The following TGFB1 variants were observed in gnomAD, a reference collection of about 807,000 sequenced individuals.
TGFB1 encodes transforming growth factor beta 1.
In TGFB1, 19 loss-of-function variants were observed where a neutral mutation model predicts 43.8. The observed-to-expected ratio is 0.43, with a 90% CI of 0.30 to 0.64. TGFB1 has a LOEUF of 0.64. TGFB1 is among the 30% of genes least tolerant of loss of function. TGFB1 has a pLI of 0.11. For missense variants in TGFB1, 445 were observed against 529.8 expected, an observed-to-expected ratio of 0.84 and a Z score of 1.57; for synonymous variants, 221 against 236.3, an observed-to-expected ratio of 0.94 and a Z score of 0.60.
intron 2 of TGFB1, among the ~76,000 whole-genome samples, chr19:41,347,899 C>G (rs564876218): frequency 6.6e-6 from 1 of 150,654 alleles, no homozygotes; most frequent in Admixed American, 6.6e-5. Flanking sequence ...TTTGGGAGAC[C>G]GAGGCAGGTG....
In TGFB1 at chr19:41,335,312, C is replaced by G. The variant is rs571304276; in HGVS notation, c.861-3031G>C. 2.0e-5 allele frequency among the ~76,000 whole-genome samples: 3 copies of G among 152,238 alleles called. No homozygotes were observed. In the East Asian group the frequency reaches 5.8e-4, roughly 29 times the overall value. The stretch of plus-strand genomic sequence containing the variant: ...CAGGTGACCCACCCACCTCGGCCTC[C>G]CAAAGTGCTGGGATTACAGGCATGA... On this transcript the variant is annotated intron_variant, in intron 5 of 6. Coordinates refer to ENST00000221930, the MANE Select transcript of TGFB1 (RefSeq NM_000660.7).
intron 5 of TGFB1, among the ~76,000 whole-genome samples, chr19:41,339,059 A>G (rs1293183105): frequency 6.7e-6 from 1 of 150,208 alleles, no homozygotes; most frequent in African/African-American, 2.5e-5. Context: ...TTTGCTGACC[A>G]TTTCCTCTGT....
chr19:41,352,072 A>G (rs1157566658), intron 1 of TGFB1, among the ~76,000 whole-genome samples: 3 of 150,016 alleles, frequency 2.0e-5, no homozygotes, highest in African/African-American at 7.4e-5. Context: ...TTCTCCCCAC[A>G]TTTATCACAC....
intron 6 of TGFB1, 92 bp downstream of exon 6, chr19:41,332,036 T>A: frequency 3.8e-6 from 5 of 1,316,012 alleles, no homozygotes; most frequent in Non-Finnish European, 4.2e-6. Context: ...TCCTGCCAAC[T>A]CACCTCTCTG....
chr19:41,352,990 G>A lies in TGFB1; in HGVS notation c.55C>T (p.Leu19=), dbSNP rs72480425. Residue 19 remains leucine, a synonymous_variant, in exon 1 of 7, where the codon CTG becomes TTG. Transcript: ENST00000221930. ...LPLLLPLLWL[L]VLTPGRPAAG... ...GCCGGCCGGCCAGGCGTCAGCACCA[G>A]TAGCCACAGCAGCGGTAGCAGCAGC... The A allele has an allele frequency of 2.7e-4, 414 of 1,539,434 alleles. 4 individuals are homozygous for A. The South Asian group carries it at 3.4e-3, about 13-fold the overall frequency.
intron 5 of TGFB1, among the ~76,000 whole-genome samples, chr19:41,337,376 G>A (rs2037999183): frequency 6.6e-6 from 1 of 151,928 alleles, no homozygotes; most frequent in African/African-American, 2.4e-5. Flanking sequence ...CCTGACCTCA[G>A]GTGGTCCACC....
rs1447443097 is a variant in TGFB1 at position 41,331,088 on chromosome 19, C to T, written c.1137G>A (p.Leu379=). The T allele has an allele frequency of 7.6e-6, 12 of 1,586,268 alleles. No homozygotes were observed. The highest frequency in any genetic ancestry group is 1.0e-5 in the Non-Finnish European group (12 of 1,168,366). Residue 379 remains leucine (L), a synonymous_variant, in exon 7 of 7, where the codon CTG becomes CTA. Coordinates refer to ENST00000221930, the MANE Select transcript of TGFB1 (RefSeq NM_000660.7). ...YVGRKPKVEQ[L]SNMIVRSCKC... ...TGCAGGAGCGCACGATCATGTTGGA[C>T]AGCTGCTCCACCTTGGGCTTGCGGC...
intron 5 of TGFB1, among the ~76,000 whole-genome samples, chr19:41,341,379 A>C (rs993376047): frequency 2.2e-4 from 32 of 144,186 alleles, no homozygotes; most frequent in African/African-American, 8.2e-4. Context: ...AGACAGGAGA[A>C]TCGTGTGAAC....
chr19:41,346,676 A>T (rs2038119580), intron 2 of TGFB1, among the ~76,000 whole-genome samples: 1 of 152,196 alleles, frequency 6.6e-6, no homozygotes, highest in African/African-American at 2.4e-5. Flanking sequence ...TGCTAACCAC[A>T]TGTGACTATA....
chr19:41,343,922 T>C, intron 3 of TGFB1, among the ~76,000 whole-genome samples: 1 of 53,906 alleles, frequency 1.9e-5, no homozygotes, highest in Non-Finnish European at 4.4e-5. Context: ...TCAAATGAGT[T>C]AGTTAGGCTC....
intron 5 of TGFB1, among the ~76,000 whole-genome samples, chr19:41,332,603 T>A (rs1259261164): frequency 6.6e-6 from 1 of 152,158 alleles, no homozygotes; most frequent in Non-Finnish European, 1.5e-5. Flanking sequence ...ACATACAAAA[T>A]AACACAGCTC....
intron 5 of TGFB1, among the ~76,000 whole-genome samples, chr19:41,336,786 TC>T (rs2037992984): frequency 6.6e-6 from 1 of 152,110 alleles, no homozygotes; most frequent in Admixed American, 6.6e-5. Flanking sequence ...TAAAACACAG[TC>T]ACAATACCAT....
At chr19:41,344,536 C>T (rs2038093976) in intron 3 of TGFB1, among the ~76,000 whole-genome samples, 1 of 152,194 alleles carries the variant, frequency 6.6e-6, no homozygotes, top group East Asian at 1.9e-4. Flanking sequence ...TTGCTGTGTC[C>T]TTGGCATCAC....
At chr19:41,344,671 G>A in intron 3 of TGFB1, 76 bp downstream of exon 3, 1 of 1,409,806 alleles carries the variant, frequency 7.1e-7, no homozygotes, top group Non-Finnish European at 1.0e-6. Context: ...AGGGGTCCTA[G>A]GCAAAGTGAC....
rs2037926166 is a variant in TGFB1, at chr19:41,331,180, C to T, written c.1045G>A (p.Gly349Ser). Reference protein sequence around the residue: ...VLALYNQHNPGASAAPCCVPQ... With the variant: ...VLALYNQHNPSASAAPCCVPQ... ...ACGCAGCACGGCGCCGCCGAGGCGCCCGGGTTATGCTGGTTGTACAGGGCC... is the reference window on the plus strand; with the variant it reads ...ACGCAGCACGGCGCCGCCGAGGCGCTCGGGTTATGCTGGTTGTACAGGGCC... The change falls in exon 7 of 7, where the codon GGC becomes AGC. Residue 349 changes from glycine (G) to serine (S), a missense_variant. Transcript: ENST00000221930. The T allele has an allele frequency of 1.3e-6, 2 of 1,545,986 alleles. No homozygotes were observed. Among genetic ancestry groups the T allele is most frequent in the Admixed American group, 3.9e-5 (2 of 51,050 alleles).
intron 5 of TGFB1, among the ~76,000 whole-genome samples, chr19:41,335,177 CA>C (rs1400901438): frequency 6.6e-6 from 1 of 151,850 alleles, no homozygotes; most frequent in Non-Finnish European, 1.5e-5. Flanking sequence ...CTCAGCCTCT[CA>C]AGTACCTGGG....
At chr19:41,331,917 A>G (rs1344655640) in intron 6 of TGFB1, 1 of 612,434 alleles carries the variant, frequency 1.6e-6, no homozygotes, top group Non-Finnish European at 2.8e-6. Context: ...GTGGGTCTTC[A>G]TAGCTCATCT....
chr19:41,348,294 C>T lies in TGFB1; in HGVS notation c.516+1G>A, dbSNP rs767354126. On this transcript the variant is annotated splice_donor_variant, in intron 2 of 6. Coordinates refer to ENST00000221930, the MANE Select transcript of TGFB1 (RefSeq NM_000660.7). LOFTEE classifies it high-confidence loss of function. Reference sequence around the variant, plus strand: ...ACCTTCCTTCTGGCTCATGTCCTCACCTGGTACAGCTCCACGTGCTGCTCC... The same window carrying T: ...ACCTTCCTTCTGGCTCATGTCCTCATCTGGTACAGCTCCACGTGCTGCTCC... 3 of 1,612,496 alleles carry T rather than the reference C, an allele frequency of 1.9e-6. No homozygotes were observed. Among genetic ancestry groups the T allele is most frequent in the Admixed American group, 1.7e-5 (1 of 59,972 alleles).
In TGFB1 at chr19:41,341,963, G is replaced by A. The variant is rs755630382; in HGVS notation, c.780C>T (p.Leu260=). 4.3e-6 allele frequency: 7 copies of A among 1,614,230 alleles called. No homozygotes were observed. The highest frequency in any genetic ancestry group is 1.6e-4 in the Middle Eastern group (1 of 6,062). The change falls in exon 5 of 7, where the codon CTC becomes CTT. Residue 260 remains leucine (L), a synonymous_variant. Transcript: ENST00000221930. ...GGGCCCTCTCCAGCGGGGTGGCCAT[G>A]AGAAGCAGGAAAGGCCGGTTCATGC... ...IHGMNRPFLL[L]MATPLERAQH...
Sources: gnomAD v4.1 joint callset for allele counts (sites outside exome capture counted in the v4.1 genomes callset) on GRCh38, gnomAD v4.1.1 for gene constraint, MANE v1.5 for transcripts, NCBI Gene and HGNC (gene_info 2026-07-23, HGNC 2026-07-21) for gene names.